Variants in KCNQ2 observed in about 807,000 individuals in gnomAD.
KCNQ2 encodes the protein potassium voltage-gated channel subfamily Q member 2.
KCNQ2 carries 14 observed loss-of-function variants against 84.8 expected under a neutral mutation model. The ratio of observed to expected loss-of-function variants is 0.17; its 90% CI spans 0.11 to 0.26. KCNQ2 has a LOEUF of 0.26. Ranked by LOEUF, KCNQ2 falls within the 10% of genes least tolerant of loss-of-function variation. The probability of loss-of-function intolerance (pLI) is 1.00; values close to 1 mark genes in which losing one functional copy is unlikely to be tolerated. For synonymous variants in KCNQ2, 599 were observed against 554.1 expected, an observed-to-expected ratio of 1.08 and a Z score of -1.14; for missense variants, 788 against 1,254.0, an observed-to-expected ratio of 0.63 and a Z score of 5.61.
chr20:63,416,363 G>A lies in KCNQ2; in HGVS notation c.1302-1237C>T, dbSNP rs565039184. The stretch of plus-strand genomic sequence containing the variant: ...GAGTTCTTCAACTCCAGCGTCCGCC[G>A]GGCGACAGTGAGGGGAGGGGAGGGT... On this transcript the variant is annotated intron_variant, in intron 12 of 16. Coordinates refer to ENST00000359125, the MANE Select transcript of KCNQ2 (RefSeq NM_172107.4). Among the ~76,000 whole-genome samples, 22 of 152,310 alleles carry A rather than the reference G, an allele frequency of 1.4e-4. No homozygotes were observed. In the South Asian group the frequency reaches 4.2e-3, roughly 29 times the overall value.
chr20:63,421,873 C>T (rs2080481189), intron 11 of KCNQ2, among the ~76,000 whole-genome samples: 1 of 152,122 alleles, frequency 6.6e-6, no homozygotes, highest in East Asian at 1.9e-4. Context: ...CTGCCTGGCT[C>T]CCCACCCGAC....
At chr20:63,427,700 G>T (rs1356465188) in intron 10 of KCNQ2, among the ~76,000 whole-genome samples, 1 of 152,174 alleles carries the variant, frequency 6.6e-6, no homozygotes. Flanking sequence ...CCCTCTCCTT[G>T]TAAGGACACT....
intron 7 of KCNQ2, chr20:63,434,353 G>T: frequency 5.3e-6 from 1 of 188,054 alleles, no homozygotes; most frequent in East Asian, 1.4e-4. Context: ...ACTCAGCCCG[G>T]CTCGGGGCAT....
Position 63,415,144 on chromosome 20 carries a change from G to A in KCNQ2, c.1302-18C>T, listed in dbSNP as rs756773233. On this transcript the variant is annotated intron_variant, in intron 12 of 16. Coordinates refer to ENST00000359125, the MANE Select transcript of KCNQ2 (RefSeq NM_172107.4). Reference sequence around the variant, plus strand: ...CCTTCTGGCTGCTCCCACGGGAACCGACAGACAGACAGAAAAACAGGGAGA... The same window carrying A: ...CCTTCTGGCTGCTCCCACGGGAACCAACAGACAGACAGAAAAACAGGGAGA... 51 of 1,405,256 alleles carry A rather than the reference G, an allele frequency of 3.6e-5. No homozygotes were observed. Among genetic ancestry groups the A allele is most frequent in the Non-Finnish European group, 3.8e-5 (41 of 1,076,280 alleles). 87.0% of individuals were successfully genotyped at this position (1,405,256 alleles called of 1,614,324 possible).
intron 12 of KCNQ2, among the ~76,000 whole-genome samples, chr20:63,415,757 C>T (rs911489902): frequency 1.3e-5 from 2 of 152,178 alleles, no homozygotes. Flanking sequence ...TCCCAAACAC[C>T]GGGGCTGTGG....
At position 63,438,576 on chromosome 20, in the gene KCNQ2, G is replaced by A; in HGVS notation, c.1023+49C>T. The A allele has an allele frequency of 6.6e-7, 1 of 1,525,260 alleles. No individual in the cohort carries two copies. Among genetic ancestry groups the A allele is most frequent in the East Asian group, 2.2e-5 (1 of 44,500 alleles). 94.5% of individuals were successfully genotyped at this position (1,525,260 alleles called of 1,614,324 possible). ...AGCGGCCTCCACTCCTCAACAAGGTGGGACCAGGACAAGGGCTGTGCTGGT... is the reference window on the plus strand; with the variant it reads ...AGCGGCCTCCACTCCTCAACAAGGTAGGACCAGGACAAGGGCTGTGCTGGT... On this transcript the variant is annotated intron_variant, in intron 7 of 16. Coordinates refer to ENST00000359125, the MANE Select transcript of KCNQ2 (RefSeq NM_172107.4). This position sits in a 1 kb window ranked among gnomAD's most constrained non-coding sequence, Gnocchi z 5.1.
At chr20:63,458,097 C>T (rs2081852098) in intron 1 of KCNQ2, among the ~76,000 whole-genome samples, 2 of 151,952 alleles carry the variant, frequency 1.3e-5, no homozygotes, top group South Asian at 4.2e-4. Flanking sequence ...CCCTCCCCGA[C>T]CCCGCAACCT....
chr20:63,467,456 C>T (rs1031352181), intron 1 of KCNQ2, among the ~76,000 whole-genome samples: 13 of 152,052 alleles, frequency 8.5e-5, no homozygotes, highest in Non-Finnish European at 1.6e-4. Context: ...CTGAGGCTAG[C>T]CTGGCTCCTC....
chr20:63,461,213 C>T (rs1201818387), intron 1 of KCNQ2, among the ~76,000 whole-genome samples: 3 of 152,188 alleles, frequency 2.0e-5, no homozygotes, highest in East Asian at 3.9e-4. Context: ...CCCTGACAGA[C>T]GCAGCCCTGT....
rs2080003489 is a variant in KCNQ2 at position 63,408,087 on chromosome 20, G to A, written c.1887+326C>T. ...GGTGTCGGGCAAGGAGGACAGAGAG[G>A]AGGAAGGCCAGGCAGGTACAACTTC... On this transcript the variant is annotated intron_variant, in intron 16 of 16. Coordinates refer to ENST00000359125, the MANE Select transcript of KCNQ2 (RefSeq NM_172107.4). This position sits in a 1 kb window ranked among gnomAD's most constrained non-coding sequence, Gnocchi z 5.0. 1 of 378,146 alleles carries A rather than the reference G, an allele frequency of 2.6e-6. No homozygotes were observed. The highest frequency in any genetic ancestry group is 2.5e-5 in the South Asian group (1 of 40,076). 23.4% of individuals were successfully genotyped at this position (378,146 alleles called of 1,614,324 possible).
At chr20:63,442,866 C>T (rs1250362985) in intron 4 of KCNQ2, among the ~76,000 whole-genome samples, 2 of 53,478 alleles carry the variant, frequency 3.7e-5, no homozygotes, top group Middle Eastern at 9.4e-3. Flanking sequence ...ACCACCATCA[C>T]CATCACCATT....
Position 63,408,306 on chromosome 20 carries a change from TGAG to T in KCNQ2, c.1887+104_1887+106del, listed in dbSNP as rs2080010575. On this transcript the variant is annotated intron_variant, in intron 16 of 16. Coordinates refer to ENST00000359125, the MANE Select transcript of KCNQ2 (RefSeq NM_172107.4). This position sits in a 1 kb window ranked among gnomAD's most constrained non-coding sequence, Gnocchi z 5.0. ...GACAGGGCCATGTAAACCCTAGACT[TGAG>T]GAGCCCTCCGTGGCACCCAGCCCCT... 1 of 1,410,488 alleles carries T rather than the reference TGAG, an allele frequency of 7.1e-7. No homozygotes were observed. The highest frequency in any genetic ancestry group is 9.8e-7 in the Non-Finnish European group (1 of 1,025,484). The allele number at this position is 1,410,488 out of a possible 1,614,324, so 87.4% of individuals were successfully genotyped here.
intron 4 of KCNQ2, 51 bp downstream of exon 4, chr20:63,444,608 G>A (rs2081356689): frequency 2.7e-6 from 4 of 1,454,990 alleles, no homozygotes; most frequent in Non-Finnish European, 1.8e-6. Context: ...TCTGGGCCAG[G>A]ACTCTCGCTG....
chr20:63,445,325 C>A lies in KCNQ2; in HGVS notation c.427G>T (p.Val143Leu), dbSNP rs768237205. The A allele has an allele frequency of 1.9e-6, 3 of 1,613,740 alleles. No individual in the cohort carries two copies. The highest frequency in any genetic ancestry group is 1.7e-5 in the Admixed American group (1 of 60,000). Residue 143 changes from valine (V) to leucine (L), a missense_variant, in exon 3 of 17, where the codon GTG (valine) becomes TTG (leucine). Physicochemically the swap from Val to Leu is conservative, Grantham distance 32 (BLOSUM62 1). Transcript: ENST00000359125. ...CAGCAGCCTGCGGCCCAGATCCGCA[C>A]GAAGTACTCCACGCCAAACACCACG... is the stretch of plus-strand genomic sequence containing the variant. ...TIVVFGVEYF[V>L]RIWAAGCCCR... is the part of the protein sequence containing the mutation.
At chr20:63,459,510 A>G (rs1716639267) in intron 1 of KCNQ2, 1 of 152,216 alleles carries the variant, frequency 6.6e-6, no homozygotes, top group South Asian at 2.1e-4. Flanking sequence ...CCCTGCCTCA[A>G]AAATAAATAA....
At chr20:63,439,092 G>C (rs1001573381) in intron 6 of KCNQ2, among the ~76,000 whole-genome samples, 2 of 152,220 alleles carry the variant, frequency 1.3e-5, no homozygotes, top group African/African-American at 2.4e-5. Flanking sequence ...ACACAGAAGA[G>C]TCTGCAGGCC....
intron 1 of KCNQ2, among the ~76,000 whole-genome samples, chr20:63,456,230 C>T (rs1600834232): frequency 6.6e-6 from 1 of 152,214 alleles, no homozygotes; most frequent in Non-Finnish European, 1.5e-5. Context: ...CCTTCCTTCC[C>T]CATTCTGGTT....
rs1568969743 is a variant in KCNQ2, at chr20:63,460,934, G to T, written c.296+11234C>A. 1 of 152,268 alleles carries T rather than the reference G, an allele frequency of 6.6e-6. No individual in the cohort carries two copies. The highest frequency in any genetic ancestry group is 2.4e-5 in the African/African-American group (1 of 41,446). 9.4% of individuals were successfully genotyped at this position (152,268 alleles called of 1,614,324 possible). On this transcript the variant is annotated intron_variant, in intron 1 of 16. Coordinates refer to ENST00000359125, the MANE Select transcript of KCNQ2 (RefSeq NM_172107.4). This position sits in a 1 kb window ranked among gnomAD's most constrained non-coding sequence, Gnocchi z 5.4. ...CAGAGACAAGCCAACTACCTGGCAC[G>T]CGAGACTCATCTTGCCCATGAGAAG... is the stretch of plus-strand genomic sequence containing the variant.
chr20:63,400,694 G>A lies in KCNQ2; in HGVS notation c.*5950C>T. The A allele has an allele frequency of 2.5e-6, 1 of 398,660 alleles. No individual in the cohort carries two copies. The highest frequency in any genetic ancestry group is 4.4e-6 in the Non-Finnish European group (1 of 226,044). The allele number at this position is 398,660 out of a possible 1,614,324, so 24.7% of individuals were successfully genotyped here. ...GGCCAGAGGATGGCAGACTGCAATG[G>A]CGTGGGGCGCGGGCATGGCGGGCAC... On this transcript the variant is annotated 3_prime_UTR_variant, in exon 17 of 17. Coordinates refer to ENST00000359125, the MANE Select transcript of KCNQ2 (RefSeq NM_172107.4). The surrounding 1 kb of genome is among the most constrained non-coding windows in gnomAD (Gnocchi z 8.7).
Sources: allele counts gnomAD v4.1 joint callset (sites outside exome capture counted in the v4.1 genomes callset), GRCh38; gene constraint gnomAD v4.1.1; non-coding constraint Gnocchi (gnomAD v3.1); transcripts MANE v1.5; gene names NCBI Gene and HGNC (gene_info 2026-07-23, HGNC 2026-07-21).